TRAPPC6A: variants seen among roughly 807,000 people sequenced by gnomAD.
TRAPPC6A encodes the protein trafficking protein particle complex subunit 6A.
In TRAPPC6A, 25 loss-of-function variants were observed where a neutral mutation model predicts 20.8. The ratio of observed to expected loss-of-function variants is 1.20; its 90% CI spans 0.88 to 1.68. The LOEUF (loss-of-function observed/expected upper bound fraction) is 1.68. TRAPPC6A is among the 40% of genes most tolerant of loss of function. The pLI is 0.00. For synonymous variants in TRAPPC6A, 96 were observed against 93.3 expected, an observed-to-expected ratio of 1.03 and a Z score of -0.16; for missense variants, 215 against 211.6, an observed-to-expected ratio of 1.02 and a Z score of -0.10.
At position 45,178,224 on chromosome 19, in the gene TRAPPC6A, C is replaced by T. The variant is rs765547159; in HGVS notation, c.-6G>A. 5.0e-6 allele frequency: 8 copies of T among 1,589,458 alleles called. No homozygotes were observed. Among genetic ancestry groups the T allele is most frequent in the Non-Finnish European group, 6.9e-6 (8 of 1,164,138 alleles). ...AACAACACAGTATCCGCCATGCCCC[C>T]TCCTCGCACGCCTAAAGATGCGCCC... On this transcript the variant is annotated 5_prime_UTR_variant, in exon 1 of 6. Transcript: ENST00000585934.
rs1454595041 is a variant in TRAPPC6A, at chr19:45,173,343, G to A, written c.84+4792C>T. Among the ~76,000 whole-genome samples the A allele has an allele frequency of 2.0e-5, 3 of 151,842 alleles. No homozygotes were observed. Among genetic ancestry groups the A allele is most frequent in the Non-Finnish European group, 4.4e-5 (3 of 67,978 alleles). On this transcript the variant is annotated intron_variant, in intron 1 of 5. Coordinates refer to ENST00000585934, the MANE Select transcript of TRAPPC6A (RefSeq NM_001270891.2). The surrounding 1 kb of genome is among the most constrained non-coding windows in gnomAD (Gnocchi z 4.8). Reference sequence around the variant, plus strand: ...AACCACCGTACCAGGCAGGATAGGAGGTCACAAAAGCCCTACACACTGGCT... The same window carrying A: ...AACCACCGTACCAGGCAGGATAGGAAGTCACAAAAGCCCTACACACTGGCT...
At position 45,172,177 on chromosome 19, in the gene TRAPPC6A, G is replaced by A. The variant is rs1335302216; in HGVS notation, c.84+5958C>T. On this transcript the variant is annotated intron_variant, in intron 1 of 5. Transcript: ENST00000585934. The surrounding 1 kb of genome is among the most constrained non-coding windows in gnomAD (Gnocchi z 4.2). ...GTCACAAAAGCCCTACACACTGGCTGTGGCTCCTGGGCACCTGTGCTGTGG... is the reference window on the plus strand; with the variant it reads ...GTCACAAAAGCCCTACACACTGGCTATGGCTCCTGGGCACCTGTGCTGTGG... Among the ~76,000 whole-genome samples, 1 of 151,778 alleles carries A rather than the reference G, an allele frequency of 6.6e-6. No homozygotes were observed. The highest frequency in any genetic ancestry group is 1.5e-5 in the Non-Finnish European group (1 of 68,000).
chr19:45,176,891 G>C (rs1235806899), intron 1 of TRAPPC6A, among the ~76,000 whole-genome samples: 1 of 150,380 alleles, frequency 6.6e-6, no homozygotes, highest in South Asian at 2.1e-4. Flanking sequence ...AAAATTGGCC[G>C]GGTGCAGTGG....
At chr19:45,165,547 G>A (rs530684263) in intron 1 of TRAPPC6A, among the ~76,000 whole-genome samples, 8 of 152,300 alleles carry the variant, frequency 5.3e-5, no homozygotes, top group Admixed American at 2.6e-4. Context: ...TGCTTTCAGC[G>A]CGAACCCTCA....
At chr19:45,165,761 C>T (rs1464810206) in intron 1 of TRAPPC6A, among the ~76,000 whole-genome samples, 1 of 152,146 alleles carries the variant, frequency 6.6e-6, no homozygotes. Flanking sequence ...AGGACAGTGG[C>T]TGCCATGTAG....
chr19:45,178,133 AC>A lies in TRAPPC6A; in HGVS notation c.84+1del, dbSNP rs1277431639. The A allele has an allele frequency of 6.2e-7, 1 of 1,612,728 alleles. No homozygotes were observed. Among genetic ancestry groups the A allele is most frequent in the Non-Finnish European group, 8.5e-7 (1 of 1,179,294 alleles). ...TTCCTCCCCACGGAGCCCGGCGCTC[AC>A]CCCCGGGCCGGGGTCGGGGTCGTGA... On this transcript the variant is annotated splice_donor_variant, in intron 1 of 5. Coordinates refer to ENST00000585934, the MANE Select transcript of TRAPPC6A (RefSeq NM_001270891.2). LOFTEE classifies it high-confidence loss of function.
Position 45,162,969 on chromosome 19 carries a change from C to A in TRAPPC6A, c.*223G>T. 1 of 437,398 alleles carries A rather than the reference C, an allele frequency of 2.3e-6. No individual in the cohort carries two copies. The highest frequency in any genetic ancestry group is 2.0e-5 in the African/African-American group (1 of 49,528). The allele number at this position is 437,398 out of a possible 1,614,324, so 27.1% of individuals were successfully genotyped here. The stretch of plus-strand genomic sequence containing the variant: ...CAGCCTTTATTGAGCAGCTACTGGG[C>A]AGTGACGCTGCCGAGGCGGGAATCC... On this transcript the variant is annotated 3_prime_UTR_variant, in exon 6 of 6. Coordinates refer to ENST00000585934, the MANE Select transcript of TRAPPC6A (RefSeq NM_001270891.2).
chr19:45,167,721 G>A (rs1836845338), intron 1 of TRAPPC6A, among the ~76,000 whole-genome samples: 1 of 152,246 alleles, frequency 6.6e-6, no homozygotes, highest in Admixed American at 6.5e-5. Flanking sequence ...AACCTCAGGT[G>A]ATCTGCCCAC....
chr19:45,171,125 A>T (rs1181935027), intron 1 of TRAPPC6A, among the ~76,000 whole-genome samples: 1 of 152,210 alleles, frequency 6.6e-6, no homozygotes, highest in East Asian at 1.9e-4. Context: ...AACATGGCAA[A>T]ACCCTGTCTC....
intron 1 of TRAPPC6A, among the ~76,000 whole-genome samples, chr19:45,167,993 CTTTTTT>C (rs968943946): frequency 6.0e-5 from 6 of 99,972 alleles, no homozygotes; most frequent in African/African-American, 1.6e-4. Flanking sequence ...AAGACCCTGT[CTTTTTT>C]TTTTTTTTTT....
In TRAPPC6A at chr19:45,175,189, A is replaced by G. The variant is rs576984401; in HGVS notation, c.84+2946T>C. Among the ~76,000 whole-genome samples, 429 of 151,112 alleles carry G rather than the reference A, an allele frequency of 2.8e-3. 2 individuals carry two copies. The highest frequency in any genetic ancestry group is 9.8e-3 in the African/African-American group (404 of 41,128). ...GGCAGAAGAATGGCGTGAACCCGGG[A>G]GGCAGAGCTTGCAGTGAGCCCAGAT... On this transcript the variant is annotated intron_variant, in intron 1 of 5. Coordinates refer to ENST00000585934, the MANE Select transcript of TRAPPC6A (RefSeq NM_001270891.2).
intron 1 of TRAPPC6A, among the ~76,000 whole-genome samples, chr19:45,169,245 C>T (rs1351613401): frequency 6.6e-6 from 1 of 152,214 alleles, no homozygotes; most frequent in Admixed American, 6.5e-5. Flanking sequence ...AGTGTGGGAC[C>T]TGGGCCAATG....
intron 1 of TRAPPC6A, among the ~76,000 whole-genome samples, chr19:45,177,538 A>C (rs1969415596): frequency 6.6e-6 from 1 of 151,974 alleles, no homozygotes; most frequent in African/African-American, 2.4e-5. Flanking sequence ...CACCATGGCC[A>C]GGCTGGTCTT....
Position 45,163,871 on chromosome 19 carries a change from G to T in TRAPPC6A, c.448+45C>A. 2 of 1,507,022 alleles carry T rather than the reference G, an allele frequency of 1.3e-6. No homozygotes were observed. The highest frequency in any genetic ancestry group is 1.8e-6 in the Non-Finnish European group (2 of 1,107,638). The allele number at this position is 1,507,022 out of a possible 1,614,324, so 93.4% of individuals were successfully genotyped here. ...TGGGGCTGGAACTCTGAAGCCCCCAGCAACTCAAGGGATGAGAAGAATCCC... is the reference window on the plus strand; with the variant it reads ...TGGGGCTGGAACTCTGAAGCCCCCATCAACTCAAGGGATGAGAAGAATCCC... On this transcript the variant is annotated intron_variant, in intron 5 of 5. Coordinates refer to ENST00000585934, the MANE Select transcript of TRAPPC6A (RefSeq NM_001270891.2). The surrounding 1 kb of genome is among the most constrained non-coding windows in gnomAD (Gnocchi z 5.3).
intron 1 of TRAPPC6A, among the ~76,000 whole-genome samples, chr19:45,171,274 C>A (rs1969261929): frequency 6.8e-6 from 1 of 147,194 alleles, no homozygotes; most frequent in Non-Finnish European, 1.5e-5. Context: ...CACATTCCAG[C>A]CTGGGTGACA....
Position 45,164,833 on chromosome 19 carries a change from G to C in TRAPPC6A, c.270+20C>G. 6.2e-7 allele frequency: 1 copy of C among 1,606,916 alleles called. No individual in the cohort carries two copies. On this transcript the variant is annotated intron_variant, in intron 3 of 5. Coordinates refer to ENST00000585934, the MANE Select transcript of TRAPPC6A (RefSeq NM_001270891.2). ...TTGCCCTCAGGAGGAAGCTGGACGGGCAGGCCGGGGTGCTCCCACCTGGTG... is the reference window on the plus strand; with the variant it reads ...TTGCCCTCAGGAGGAAGCTGGACGGCCAGGCCGGGGTGCTCCCACCTGGTG...
chr19:45,164,407 G>A (rs530768361), intron 3 of TRAPPC6A, among the ~76,000 whole-genome samples, 160 bp from the exon 4 acceptor site: 26 of 152,206 alleles, frequency 1.7e-4, no homozygotes, highest in African/African-American at 5.3e-4. Context: ...GCTCTGGTAG[G>A]GCCCAGGGCT....
chr19:45,178,142 CCGGGGT>C lies in TRAPPC6A; in HGVS notation c.71_76del (p.Asp24_Pro25del), dbSNP rs1268959437. On this transcript the variant is annotated inframe_deletion, in exon 1 of 6. Coordinates refer to ENST00000585934, the MANE Select transcript of TRAPPC6A (RefSeq NM_001270891.2). ...ACGGAGCCCGGCGCTCACCCCCGGGCCGGGGTCGGGGTCGTGAGCCCACAGCTCAGC... is the reference window on the plus strand; with the variant it reads ...ACGGAGCCCGGCGCTCACCCCCGGGCCGGGGTCGTGAGCCCACAGCTCAGC... 3 of 1,613,244 alleles carry C rather than the reference CCGGGGT, an allele frequency of 1.9e-6. No homozygotes were observed. The highest frequency in any genetic ancestry group is 4.5e-5 in the East Asian group (2 of 44,850).
chr19:45,164,991 T>G, intron 2 of TRAPPC6A, 21 bp from the exon 3 acceptor site: 2 of 1,613,086 alleles, frequency 1.2e-6, no homozygotes, highest in East Asian at 2.2e-5. Context: ...AGTACCAAGC[T>G]GAGGCCGTGG....
Sources: gnomAD v4.1 joint callset for allele counts (sites outside exome capture counted in the v4.1 genomes callset) on GRCh38, gnomAD v4.1.1 for gene constraint, Gnocchi (gnomAD v3.1) non-coding constraint, MANE v1.5 for transcripts, NCBI Gene and HGNC (gene_info 2026-07-23, HGNC 2026-07-21) for gene names.